KIF15: variants seen among roughly 807,000 people sequenced by gnomAD.
KIF15 encodes the protein kinesin family member 15.
In KIF15, 140 loss-of-function variants were observed where a neutral mutation model predicts 190.6. The ratio of observed to expected loss-of-function variants is 0.73; its 90% CI spans 0.64 to 0.84. The LOEUF is 0.84. Among genes scored for constraint, KIF15 ranks in the 40% least tolerant of loss-of-function variants. The pLI is 0.00. For missense variants in KIF15, 1,372 were observed against 1,584.4 expected (o/e 0.87, Z 2.28); for synonymous variants, 528 against 551.3 (o/e 0.96, Z 0.59).
At chr3:44,821,534 G>A (rs2125679320) in intron 20 of KIF15, among the ~76,000 whole-genome samples, 1 of 152,134 alleles carries the variant, frequency 6.6e-6, no homozygotes, top group South Asian at 2.1e-4. Context: ...TGAGTGGCCG[G>A]GCAGAGACGC....
chr3:44,766,745 G>A (rs2125890679), intron 1 of KIF15, among the ~76,000 whole-genome samples: 1 of 150,050 alleles, frequency 6.7e-6, no homozygotes, highest in South Asian at 2.1e-4. Context: ...ATGTTTCTTG[G>A]TTTGCTGTTT....
At chr3:44,809,627 T>A (rs1707695629) in intron 16 of KIF15, among the ~76,000 whole-genome samples, 1 of 152,010 alleles carries the variant, frequency 6.6e-6, no homozygotes, top group Non-Finnish European at 1.5e-5. Context: ...GGAGGATTGC[T>A]TGAATCTAGG....
intron 6 of KIF15, among the ~76,000 whole-genome samples, chr3:44,867,665 G>A (rs1032956844): frequency 3.9e-5 from 6 of 152,228 alleles, no homozygotes; most frequent in African/African-American, 1.4e-4. Flanking sequence ...AGATGTACAA[G>A]ATGTATTTGT....
At chr3:44,839,861 C>T (rs951306341) in intron 27 of KIF15, among the ~76,000 whole-genome samples, 3 of 152,122 alleles carry the variant, frequency 2.0e-5, no homozygotes, top group African/African-American at 7.2e-5. Context: ...AATTTGCTTC[C>T]TTTTTAAGAC....
chr3:44,812,845 C>T (rs761908968), intron 18 of KIF15, among the ~76,000 whole-genome samples: 3 of 152,006 alleles, frequency 2.0e-5, no homozygotes, highest in East Asian at 1.9e-4. Flanking sequence ...CTTAGCTGGA[C>T]GTGGTGGCGT....
chr3:44,824,885 A>T (rs1697558936), intron 20 of KIF15, among the ~76,000 whole-genome samples: 1 of 152,152 alleles, frequency 6.6e-6, no homozygotes, highest in South Asian at 2.1e-4. Flanking sequence ...TCAGCTCCCC[A>T]CATAGCTGGG....
chr3:44,863,235 C>G (rs542380017), intron 6 of KIF15: 49 of 145,202 alleles, frequency 3.4e-4, no homozygotes, highest in African/African-American at 1.2e-3. Context: ...GCACCTTTTT[C>G]TCAAGACACT....
chr3:44,860,883 T>C (rs1462465776), intron 6 of KIF15, among the ~76,000 whole-genome samples: 2 of 152,228 alleles, frequency 1.3e-5, no homozygotes, highest in East Asian at 1.9e-4. Context: ...AATAGACATA[T>C]AGAAAAATGC....
rs1162822328 is a variant in KIF15, at chr3:44,786,585, A to G, written c.639+11A>G. On this transcript the variant is annotated intron_variant, in intron 7 of 34. Coordinates refer to ENST00000326047, the MANE Select transcript of KIF15 (RefSeq NM_020242.3). ...GCTGAAGCCTATCAGGTACCCTGCCATGAGTACTTAATTGGTGCTTAGGCA... is the reference window on the plus strand; with the variant it reads ...GCTGAAGCCTATCAGGTACCCTGCCGTGAGTACTTAATTGGTGCTTAGGCA... The G allele has an allele frequency of 1.9e-6, 3 of 1,600,956 alleles. No homozygotes were observed. In the South Asian group the frequency reaches 3.3e-5, roughly 18 times the overall value.
At chr3:44,785,027 TGG>T in intron 6 of KIF15, 85 bp downstream of exon 6, 2 of 687,988 alleles carry the variant, frequency 2.9e-6, no homozygotes, top group Non-Finnish European at 5.0e-6. Flanking sequence ...TGATACATGG[TGG>T]AGCATGGATG....
At position 44,852,923 on chromosome 3, in the gene KIF15, T is replaced by TCAG; in HGVS notation, c.*192_*194dup. 2.2e-6 allele frequency: 1 copy of TCAG among 445,490 alleles called. No individual in the cohort carries two copies. The highest frequency in any genetic ancestry group is 4.9e-5 in the South Asian group (1 of 20,450). 27.6% of individuals were successfully genotyped at this position (445,490 alleles called of 1,614,324 possible). On this transcript the variant is annotated 3_prime_UTR_variant, in exon 35 of 35. Transcript: ENST00000326047. Reference sequence around the variant, plus strand: ...TGCATCCATATACACCCTGTGACAGTCAGCAGTCTGCTATTAAGTGGCCTA... The same window carrying TCAG: ...TGCATCCATATACACCCTGTGACAGTCAGCAGCAGTCTGCTATTAAGTGGCCTA...
In KIF15 at chr3:44,802,066, G is replaced by A. The variant is rs180746055; in HGVS notation, c.1509+92G>A. 1,938 of 845,906 alleles carry A rather than the reference G, an allele frequency of 2.3e-3. 6 individuals carry two copies. Among genetic ancestry groups the A allele is most frequent in the Non-Finnish European group, 3.0e-3 (1,672 of 548,968 alleles). 52.4% of individuals were successfully genotyped at this position (845,906 alleles called of 1,614,324 possible). A position where few individuals can be genotyped will look rare whatever the true frequency, so the allele number is the denominator to read the frequency against. On this transcript the variant is annotated intron_variant, in intron 13 of 34. Transcript: ENST00000326047. ...GCAAGTACTTGTTCTTTAATACAAT[G>A]GAAATTGTTTTAAGTGAATTCTTCT... is the stretch of plus-strand genomic sequence containing the variant.
chr3:44,813,419 G>C (rs1559556706), intron 19 of KIF15: 2 of 343,942 alleles, frequency 5.8e-6, no homozygotes, highest in African/African-American at 4.4e-5. Flanking sequence ...AAAGTTTTTT[G>C]TTGTTTGTTT....
At chr3:44,861,882 G>T (rs1559601639) in intron 6 of KIF15, 9 of 1,489,032 alleles carry the variant, frequency 6.0e-6, no homozygotes, top group South Asian at 1.2e-5. Context: ...CGCGCGCTCT[G>T]CCCTGCGGGC....
rs1699071493 is a variant in KIF15, at chr3:44,851,871, G to A, written c.3891G>A (p.Leu1297=). 6.2e-7 allele frequency: 1 copy of A among 1,614,010 alleles called. No individual in the cohort carries two copies. Among genetic ancestry groups the A allele is most frequent in the Non-Finnish European group, 8.5e-7 (1 of 1,179,946 alleles). The change falls in exon 33 of 35, where the codon TTG becomes TTA. Residue 1297 remains leucine, a synonymous_variant. Coordinates refer to ENST00000326047, the MANE Select transcript of KIF15 (RefSeq NM_020242.3). The part of the protein sequence containing the change: ...MTDEVERTQT[L]ESKAFQEKEQ... ...ATGAAGTCGAACGAACCCAAACTTT[G>A]GAGTCTAAAGCATTCCAGGAAAAAG... is the stretch of plus-strand genomic sequence containing the variant.
intron 18 of KIF15, 90 bp from the exon 19 acceptor site, chr3:44,812,985 A>G (rs868253114): frequency 1.5e-5 from 3 of 206,004 alleles, no homozygotes; most frequent in Admixed American, 6.4e-5. Flanking sequence ...ACTCTGTCTC[A>G]AAAAAAAAAA....
Position 44,851,862 on chromosome 3 carries a change from C to G in KIF15, c.3882C>G (p.Thr1294=), listed in dbSNP as rs1407613926. Residue 1294 remains threonine (T), a synonymous_variant, in exon 33 of 35, where the codon ACC becomes ACG. Transcript: ENST00000326047. Reference sequence around the variant, plus strand: ...GAATGACTGATGAAGTCGAACGAACCCAAACTTTGGAGTCTAAAGCATTCC... The same window carrying G: ...GAATGACTGATGAAGTCGAACGAACGCAAACTTTGGAGTCTAAAGCATTCC... ...CLRMTDEVER[T]QTLESKAFQE... is the part of the protein sequence containing the mutation. 6.2e-7 allele frequency: 1 copy of G among 1,613,882 alleles called. No homozygotes were observed. The highest frequency in any genetic ancestry group is 8.5e-7 in the Non-Finnish European group (1 of 1,179,908).
At chr3:44,797,471 C>A in intron 8 of KIF15, 80 bp from the exon 9 acceptor site, 1 of 1,458,158 alleles carries the variant, frequency 6.9e-7, no homozygotes, top group African/African-American at 1.4e-5. Context: ...GAATTTTCCT[C>A]TGCTAGATAT....
In KIF15 at chr3:44,841,184, A is replaced by G. The variant is rs1414976853; in HGVS notation, c.3531A>G (p.Val1177=). ...CTAAGACTTCTTTGGAACACCTTGT[A>G]ACAAAGCTAAATGAAGACAGAGAAG... is the stretch of plus-strand genomic sequence containing the variant. ...RASKTSLEHL[V]TKLNEDREVK... Residue 1177 remains valine (V), a synonymous_variant, in exon 29 of 35, where the codon GTA becomes GTG. Coordinates refer to ENST00000326047, the MANE Select transcript of KIF15 (RefSeq NM_020242.3). The G allele has an allele frequency of 4.3e-6, 7 of 1,613,262 alleles. No individual in the cohort carries two copies. The highest frequency in any genetic ancestry group is 5.1e-6 in the Non-Finnish European group (6 of 1,179,640).
Sources: allele counts gnomAD v4.1 joint callset (sites outside exome capture counted in the v4.1 genomes callset), GRCh38; gene constraint gnomAD v4.1.1; transcripts MANE v1.5; gene names NCBI Gene and HGNC (gene_info 2026-07-23, HGNC 2026-07-21).